CCDC57: variants seen among roughly 807,000 people sequenced by gnomAD.
CCDC57 encodes coiled-coil domain-containing protein 57.
CCDC57 carries 118 observed loss-of-function variants against 118.9 expected under a neutral mutation model. The observed-to-expected ratio is 0.99, with a 90% CI of 0.86 to 1.16. The LOEUF (loss-of-function observed/expected upper bound fraction) is 1.16, where lower values mean the gene tolerates loss of function less well. CCDC57 is among the 50% of genes most tolerant of loss of function. The pLI is 0.00. For missense variants in CCDC57, 1,300 were observed against 1,320.7 expected (o/e 0.98, Z 0.24); for synonymous variants, 527 against 532.9 (o/e 0.99, Z 0.15).
At chr17:82,117,147 C>A (rs1437209154) in intron 19 of CCDC57, among the ~76,000 whole-genome samples, 1 of 151,808 alleles carries the variant, frequency 6.6e-6, no homozygotes, top group African/African-American at 2.4e-5. Flanking sequence ...CCCAGGAGTT[C>A]GAGACCAGCC....
chr17:82,188,518 T>G (rs902270905), intron 7 of CCDC57, 99 bp from the exon 7 acceptor site: 1 of 1,197,828 alleles, frequency 8.3e-7, no homozygotes, highest in African/African-American at 1.5e-5. Flanking sequence ...CGTGCACAGG[T>G]GCTGCTGTAT....
rs141760654 is a variant in CCDC57 at position 82,184,016 on chromosome 17, T to TGCGCGCGC, written c.1053-92_1053-85dup. ...CACAGCACCCCCCAGCAAATACACATGCGCGCGCGCGCGCGCACACACACA... is the reference window on the plus strand; with the variant it reads ...CACAGCACCCCCCAGCAAATACACATGCGCGCGCGCGCGCGCGCGCGCGCACACACACA... On this transcript the variant is annotated intron_variant, in intron 8 of 19. Coordinates refer to ENST00000665763, the Ensembl canonical transcript of CCDC57. 715 of 305,766 alleles carry TGCGCGCGC rather than the reference T, an allele frequency of 2.3e-3. 36 individuals carry two copies. The highest frequency in any genetic ancestry group is 2.8e-3 in the Non-Finnish European group (470 of 165,208). The allele number at this position is 305,766 out of a possible 1,614,324, so 18.9% of individuals were successfully genotyped here.
rs1195294437 is a variant in CCDC57 at position 82,149,061 on chromosome 17, G to GTGGA, written c.2455+2495_2455+2498dup. ...GGTGGGTGGACGGATGGTTGGGTGGGTGGATGGATGGATGGGTGGGTGGGT... is the reference window on the plus strand; with the variant it reads ...GGTGGGTGGACGGATGGTTGGGTGGGTGGATGGATGGATGGATGGGTGGGTGGGT... On this transcript the variant is annotated intron_variant, in intron 16 of 19. Coordinates refer to ENST00000665763, the Ensembl canonical transcript of CCDC57. Among the ~76,000 whole-genome samples, 2 of 63,130 alleles carry GTGGA rather than the reference G, an allele frequency of 3.2e-5. 1 individual carries two copies. The highest frequency in any genetic ancestry group is 5.5e-3 in the East Asian group (2 of 362). 41.4% of individuals were successfully genotyped at this position (63,130 alleles called of 152,430 possible).
At chr17:82,114,158 TAC>T (rs2035544224) in intron 19 of CCDC57, among the ~76,000 whole-genome samples, 2 of 152,052 alleles carry the variant, frequency 1.3e-5, no homozygotes, top group Admixed American at 1.3e-4. Context: ...ACAGAGGAGG[TAC>T]AGACTGTTCT....
At chr17:82,183,488 G>C (rs1219714687) in intron 9 of CCDC57, among the ~76,000 whole-genome samples, 1 of 152,042 alleles carries the variant, frequency 6.6e-6, no homozygotes. Flanking sequence ...CTTGGCAAGA[G>C]GAGATTCTTA....
At chr17:82,151,734 C>T in exon 16 of CCDC57, 1 of 1,550,336 alleles carries the variant, frequency 6.5e-7, no homozygotes, top group South Asian at 1.2e-5. Flanking sequence ...AAAAGCTCCC[C>T]CTGGTCCTCG....
At chr17:82,158,092 T>C in intron 14 of CCDC57, 144 bp from the exon 14 acceptor site, 1 of 1,436,460 alleles carries the variant, frequency 7.0e-7, no homozygotes, top group Non-Finnish European at 9.1e-7. Flanking sequence ...TGGATGCAAC[T>C]GCCCTCAGCC....
At chr17:82,183,918 G>A (rs1215115092) in exon 9 of CCDC57, 3 of 1,613,318 alleles carry the variant, frequency 1.9e-6, no homozygotes, top group Non-Finnish European at 2.5e-6. Context: ...TACAGTTGAT[G>A]CATCTTCACG....
chr17:82,143,521 C>T (rs536756598), intron 16 of CCDC57, among the ~76,000 whole-genome samples: 16 of 151,970 alleles, frequency 1.1e-4, no homozygotes, highest in African/African-American at 3.4e-4. Flanking sequence ...ACACCCCACA[C>T]GCGCACACAC....
At chr17:82,165,867 A>G (rs979559186) in intron 13 of CCDC57, among the ~76,000 whole-genome samples, 1 of 152,208 alleles carries the variant, frequency 6.6e-6, no homozygotes, top group African/African-American at 2.4e-5. Context: ...TTCAAACCTC[A>G]GCCCACCAGA....
chr17:82,161,905 C>A (rs956874581), intron 14 of CCDC57, among the ~76,000 whole-genome samples: 1 of 151,938 alleles, frequency 6.6e-6, no homozygotes, highest in Non-Finnish European at 1.5e-5. Flanking sequence ...AATGTTTATA[C>A]GACATTGTGA....
At chr17:82,183,903 G>T in exon 9 of CCDC57, 1 of 1,613,634 alleles carries the variant, frequency 6.2e-7, no homozygotes, top group Non-Finnish European at 8.5e-7. Flanking sequence ...ATCCCAGGCA[G>T]ATTTTACAGT....
At chr17:82,148,555 G>A (rs1598913029) in intron 16 of CCDC57, among the ~76,000 whole-genome samples, 5 of 52,308 alleles carry the variant, frequency 9.6e-5, no homozygotes, top group Admixed American at 4.4e-4. Context: ...ATGGATGGAT[G>A]GATAGATAGG....
intron 19 of CCDC57, among the ~76,000 whole-genome samples, chr17:82,110,008 T>A (rs1270214176): frequency 6.5e-5 from 9 of 139,118 alleles, no homozygotes; most frequent in Admixed American, 5.9e-4. Context: ...TGAGACAGAG[T>A]CTCACTCTGT....
chr17:82,136,378 G>A (rs2039174328), intron 16 of CCDC57, among the ~76,000 whole-genome samples: 1 of 152,126 alleles, frequency 6.6e-6, no homozygotes, highest in Non-Finnish European at 1.5e-5. Flanking sequence ...GTCCAGAACA[G>A]GCAAAGGCAT....
intron 19 of CCDC57, 154 bp downstream of exon 18, chr17:82,127,538 G>C: frequency 3.0e-6 from 3 of 985,458 alleles, no homozygotes; most frequent in Non-Finnish European, 3.6e-6. Context: ...TGCCAAATGA[G>C]AGGTAAAGAG....
chr17:82,157,317 C>T (rs2042794794), intron 15 of CCDC57: 3 of 406,292 alleles, frequency 7.4e-6, no homozygotes, highest in African/African-American at 2.1e-5. Flanking sequence ...CAGTGAGGGC[C>T]ATGTGGGCCC....
intron 7 of CCDC57, among the ~76,000 whole-genome samples, chr17:82,189,223 G>T (rs922482898): frequency 2.6e-5 from 4 of 152,136 alleles, no homozygotes; most frequent in African/African-American, 9.7e-5. Context: ...AGCCGTGATG[G>T]TGCCACTGCA....
intron 14 of CCDC57, among the ~76,000 whole-genome samples, chr17:82,162,381 C>T (rs556014667): frequency 2.6e-5 from 4 of 152,198 alleles, no homozygotes; most frequent in Non-Finnish European, 4.4e-5. Flanking sequence ...GACCCCAGCC[C>T]CATGGGAAAC....
Sources: allele counts gnomAD v4.1 joint callset (sites outside exome capture counted in the v4.1 genomes callset), GRCh38; gene constraint gnomAD v4.1.1; transcripts MANE v1.5; gene names NCBI Gene and HGNC (gene_info 2026-07-23, HGNC 2026-07-21).